Variants in SCN3A observed in about 807,000 individuals in gnomAD.
SCN3A encodes sodium channel protein type 3 subunit alpha.
In SCN3A, 60 loss-of-function variants were observed where a neutral mutation model predicts 187.6. The observed-to-expected ratio is 0.32, with a 90% CI of 0.26 to 0.40. The LOEUF (loss-of-function observed/expected upper bound fraction) is 0.40, where lower values mean the gene tolerates loss of function less well. Among genes scored for constraint, SCN3A ranks in the 10% least tolerant of loss-of-function variants. SCN3A has a pLI of 1.00. For synonymous variants in SCN3A, 788 were observed against 829.2 expected (o/e 0.95, Z 0.85); for missense variants, 1,601 against 2,428.2 (o/e 0.66, Z 7.16).
At chr2:165,151,861 C>T (rs1168676266) in intron 11 of SCN3A, among the ~76,000 whole-genome samples, 1 of 152,154 alleles carries the variant, frequency 6.6e-6, no homozygotes, top group East Asian at 1.9e-4. Context: ...GGCAATCACA[C>T]TGTGCCAGAA....
At chr2:165,165,176 T>C (rs1028567324) in intron 5 of SCN3A, among the ~76,000 whole-genome samples, 1 of 152,094 alleles carries the variant, frequency 6.6e-6, no homozygotes, top group Non-Finnish European at 1.5e-5. Context: ...TTAAGAATCA[T>C]GTAGAGTTAT....
In SCN3A at chr2:165,092,568, A is replaced by G. The variant is rs769104440; in HGVS notation, c.4537-44T>C. On this transcript the variant is annotated intron_variant, in intron 26 of 27. Transcript: ENST00000283254. This position sits in a 1 kb window ranked among gnomAD's most constrained non-coding sequence, Gnocchi z 4.2. ...GAAATAAGGTTACTATATATATTTC[A>G]TAAAGAATAATGCAGTAAAATTGTA... 9.0e-6 allele frequency: 14 copies of G among 1,556,816 alleles called. 1 individual carries two copies. The East Asian group carries it at 1.8e-4, about 20-fold the overall frequency.
rs770916929 is a variant in SCN3A at position 165,146,943 on chromosome 2, T to G, written c.1467A>C (p.Ser489=). Residue 489 remains serine (S), a synonymous_variant, in exon 12 of 28, where the codon TCA becomes TCC. Coordinates refer to ENST00000283254, the MANE Select transcript of SCN3A (RefSeq NM_006922.4). ...CTTTAGCACTTTTGGAACTCAACTT[T>G]GATGCTTCTGAAGAACTTTCCAACA... ...GELLESSSEA[S]KLSSKSAKEW... is the part of the protein sequence containing the mutation. The G allele has an allele frequency of 1.9e-6, 3 of 1,613,976 alleles. No individual in the cohort carries two copies. The African/African-American group carries it at 4.0e-5, about 22-fold the overall frequency.
At chr2:165,200,808 A>G (rs1574367830) in intron 1 of SCN3A, among the ~76,000 whole-genome samples, 1 of 152,106 alleles carries the variant, frequency 6.6e-6, no homozygotes, top group Non-Finnish European at 1.5e-5. Context: ...AGTAGCACAC[A>G]GCTGTCAGGA....
chr2:165,112,812 T>A (rs1319930338), intron 21 of SCN3A, 73 bp downstream of exon 21: 1 of 1,325,846 alleles, frequency 7.5e-7, no homozygotes, highest in African/African-American at 1.5e-5. Flanking sequence ...AAAGTTTTAA[T>A]AACAGAAACA....
rs1322162805 is a variant in SCN3A at position 165,131,270 on chromosome 2, A to G, written c.2539T>C (p.Leu847=). The change falls in exon 16 of 28, where the codon TTG becomes CTG. Residue 847 remains leucine, a synonymous_variant. Coordinates refer to ENST00000283254, the MANE Select transcript of SCN3A (RefSeq NM_006922.4). The stretch of plus-strand genomic sequence containing the variant: ...AGTCTGAATGATCGCAGTACAGACA[A>G]TCCCTCCACATTTGACAGACCAAGC... ...MELGLSNVEG[L]SVLRSFRLLR... The G allele has an allele frequency of 1.8e-5, 28 of 1,597,954 alleles. No individual in the cohort carries two copies. The highest frequency in any genetic ancestry group is 2.4e-5 in the Non-Finnish European group (28 of 1,170,372).
chr2:165,164,859 A>G (rs558424647), intron 5 of SCN3A, among the ~76,000 whole-genome samples: 6 of 152,310 alleles, frequency 3.9e-5, no homozygotes, highest in Admixed American at 1.3e-4. Flanking sequence ...TGTAATTTTC[A>G]AATTCCTAGT....
chr2:165,180,258 T>A (rs1235473004), intron 2 of SCN3A, among the ~76,000 whole-genome samples: 3 of 152,214 alleles, frequency 2.0e-5, no homozygotes, highest in Non-Finnish European at 4.4e-5. Flanking sequence ...GGAGGGATTC[T>A]ACGAATCAGT....
chr2:165,133,573 A>G (rs1687486924), intron 15 of SCN3A, among the ~76,000 whole-genome samples: 1 of 150,604 alleles, frequency 6.6e-6, no homozygotes, highest in African/African-American at 2.4e-5. Context: ...CGAACTCCTG[A>G]CCTCAAGTGA....
Position 165,092,258 on chromosome 2 carries a change from A to C in SCN3A, c.4803T>G (p.Ile1601Met). Reference sequence around the variant, plus strand: ...TGGTAATTAAGCTGTTCTTACCTACAATGGAGAGAATCACCACCACAAAGT... The same window carrying C: ...TGGTAATTAAGCTGTTCTTACCTACCATGGAGAGAATCACCACCACAAAGT... ...IFDFVVVILS[I>M]VGMFLAEMIE... Residue 1601 changes from isoleucine to methionine, a missense_variant, in exon 27 of 28, where the codon ATT (isoleucine) becomes ATG (methionine). Physicochemically the swap from Ile to Met is conservative, Grantham distance 10 (BLOSUM62 1). Coordinates refer to ENST00000283254, the MANE Select transcript of SCN3A (RefSeq NM_006922.4). This position sits in a 1 kb window ranked among gnomAD's most constrained non-coding sequence, Gnocchi z 4.2. 1 of 1,613,964 alleles carries C rather than the reference A, an allele frequency of 6.2e-7. No individual in the cohort carries two copies. The highest frequency in any genetic ancestry group is 8.5e-7 in the Non-Finnish European group (1 of 1,179,890).
chr2:165,149,915 T>C (rs1011264948), intron 11 of SCN3A, among the ~76,000 whole-genome samples: 1 of 152,208 alleles, frequency 6.6e-6, no homozygotes, highest in African/African-American at 2.4e-5. Context: ...TAACTAATAC[T>C]TTGTTCATTT....
At chr2:165,184,318 T>C (rs1406047692) in intron 2 of SCN3A, among the ~76,000 whole-genome samples, 1 of 152,066 alleles carries the variant, frequency 6.6e-6, no homozygotes, top group African/African-American at 2.4e-5. Flanking sequence ...GAATGATTAC[T>C]ATATCTCAGA....
intron 18 of SCN3A, among the ~76,000 whole-genome samples, chr2:165,120,644 A>G (rs533547712): frequency 5.3e-5 from 8 of 152,140 alleles, no homozygotes; most frequent in Non-Finnish European, 1.2e-4. Context: ...AGAAGAGGAA[A>G]GTTTTGGTCA....
chr2:165,203,281 G>A (rs1692434067), intron 1 of SCN3A, among the ~76,000 whole-genome samples: 1 of 151,938 alleles, frequency 6.6e-6, no homozygotes, highest in African/African-American at 2.4e-5. Flanking sequence ...TAAATGGTTA[G>A]TATTGGTGTT....
intron 18 of SCN3A, among the ~76,000 whole-genome samples, chr2:165,116,335 C>T (rs1686366125): frequency 6.6e-6 from 1 of 152,264 alleles, no homozygotes; most frequent in East Asian, 1.9e-4. Flanking sequence ...GCTGTGAATA[C>T]TTCCTTTAAC....
intron 2 of SCN3A, among the ~76,000 whole-genome samples, chr2:165,178,453 C>T (rs1001114832): frequency 2.0e-5 from 3 of 152,110 alleles, no homozygotes; most frequent in East Asian, 1.9e-4. Flanking sequence ...TGATCTCAAA[C>T]GCTTGGGCTC....
chr2:165,123,515 A>C (rs1686812918), intron 18 of SCN3A, among the ~76,000 whole-genome samples: 1 of 152,136 alleles, frequency 6.6e-6, no homozygotes, highest in Non-Finnish European at 1.5e-5. Context: ...CAAGTTTTTT[A>C]GTGAAAAATG....
chr2:165,152,582 A>G (rs932463740), intron 11 of SCN3A, among the ~76,000 whole-genome samples: 6 of 152,204 alleles, frequency 3.9e-5, no homozygotes, highest in Admixed American at 3.3e-4. Context: ...CTTTGAGTAT[A>G]TATCCAGTAA....
intron 18 of SCN3A, 30 bp from the exon 19 acceptor site, chr2:165,115,605 G>A: frequency 6.2e-7 from 1 of 1,610,146 alleles, no homozygotes. Context: ...TCAAAGATGT[G>A]ATTTTCCCCC....
Sources: gnomAD v4.1 joint callset for allele counts (sites outside exome capture counted in the v4.1 genomes callset) on GRCh38, gnomAD v4.1.1 for gene constraint, Gnocchi (gnomAD v3.1) non-coding constraint, MANE v1.5 for transcripts, NCBI Gene and HGNC (gene_info 2026-07-23, HGNC 2026-07-21) for gene names.